The following ST8SIA6 variants were observed in gnomAD, a reference collection of about 807,000 sequenced individuals.
ST8SIA6 encodes the protein ST8 alpha-N-acetyl-neuraminide alpha-2,8-sialyltransferase 6, also known as alpha-2,8-sialyltransferase 8F.
ST8SIA6 carries 39 observed loss-of-function variants against 33.6 expected under a neutral mutation model. The observed-to-expected ratio is 1.16, with a 90% CI of 0.90 to 1.52. ST8SIA6 has a LOEUF of 1.52. Among genes scored for constraint, ST8SIA6 ranks in the 40% most tolerant of loss-of-function variants. The probability of loss-of-function intolerance (pLI) is 0.00; values close to 1 mark genes in which losing one functional copy is unlikely to be tolerated. For missense variants in ST8SIA6, 441 were observed against 443.8 expected, an observed-to-expected ratio of 0.99 and a Z score of 0.06; for synonymous variants, 172 against 167.2, an observed-to-expected ratio of 1.03 and a Z score of -0.22.
At chr10:17,381,796 T>C (rs902063934) in intron 3 of ST8SIA6, among the ~76,000 whole-genome samples, 3 of 152,246 alleles carry the variant, frequency 2.0e-5, no homozygotes, top group African/African-American at 7.2e-5. Flanking sequence ...TTAATGAAAA[T>C]AGCTGTATCT....
At chr10:17,425,652 G>A (rs894714881) in intron 2 of ST8SIA6, among the ~76,000 whole-genome samples, 2 of 149,022 alleles carry the variant, frequency 1.3e-5, no homozygotes, top group Admixed American at 6.7e-5. Context: ...AAAGGAGGGA[G>A]GGAGGGAGGA....
intron 3 of ST8SIA6, among the ~76,000 whole-genome samples, chr10:17,373,169 C>T (rs1849789479): frequency 6.6e-6 from 1 of 152,118 alleles, no homozygotes; most frequent in African/African-American, 2.4e-5. Flanking sequence ...CGGAGGACAG[C>T]CTTACAAACA....
chr10:17,340,147 G>A (rs1028773071), intron 4 of ST8SIA6, among the ~76,000 whole-genome samples: 3 of 152,192 alleles, frequency 2.0e-5, no homozygotes, highest in African/African-American at 4.8e-5. Flanking sequence ...GATATGTTCA[G>A]TTCTTTGTTC....
intron 3 of ST8SIA6, among the ~76,000 whole-genome samples, chr10:17,374,748 A>AAAATATATATATAT: frequency 7.0e-4 from 47 of 67,604 alleles, no homozygotes; most frequent in South Asian, 1.2e-3. Flanking sequence ...ATAAATAAAT[A>AAAATATATATATAT]ATAAATATAT....
intron 4 of ST8SIA6, among the ~76,000 whole-genome samples, chr10:17,351,775 T>A (rs1322272867): frequency 6.6e-6 from 1 of 152,050 alleles, no homozygotes; most frequent in Non-Finnish European, 1.5e-5. Context: ...TGGAGGACAT[T>A]ATGCTAAGTG....
chr10:17,384,048 T>C (rs897521953), intron 3 of ST8SIA6, among the ~76,000 whole-genome samples: 5 of 152,224 alleles, frequency 3.3e-5, no homozygotes, highest in African/African-American at 7.2e-5. Context: ...CAGGACACAA[T>C]TGGAGAAACT....
At chr10:17,393,498 T>G (rs1320917047) in intron 2 of ST8SIA6, among the ~76,000 whole-genome samples, 1 of 152,200 alleles carries the variant, frequency 6.6e-6, no homozygotes, top group Non-Finnish European at 1.5e-5. Flanking sequence ...TCCAAATGTT[T>G]GAACCAGAAT....
rs1554800344 is a variant in ST8SIA6, at chr10:17,419,009, A to AAG, written c.201-28390_201-28389insCT. ...GCTCCATCTCAAAAAAAAAAAAAAA[A>AAG]AAAAAAGAAAAATTTAGTCATGCTC... On this transcript the variant is annotated intron_variant, in intron 2 of 7. Coordinates refer to ENST00000377602, the MANE Select transcript of ST8SIA6 (RefSeq NM_001004470.3). Among the ~76,000 whole-genome samples, 5 of 151,506 alleles carry AAG rather than the reference A, an allele frequency of 3.3e-5. No homozygotes were observed. The East Asian group carries it at 5.8e-4, about 18-fold the overall frequency.
chr10:17,363,504 C>T (rs1335315273), intron 3 of ST8SIA6, among the ~76,000 whole-genome samples: 1 of 152,178 alleles, frequency 6.6e-6, no homozygotes, highest in Non-Finnish European at 1.5e-5. Context: ...TAAATCCCTC[C>T]TTTTGGCTGA....
chr10:17,356,496 G>A (rs111888183), intron 4 of ST8SIA6, among the ~76,000 whole-genome samples: 2,118 of 151,284 alleles, frequency 0.014, 52 homozygotes, highest in African/African-American at 0.047. Context: ...TGATTCTCCC[G>A]CCTCAGTGAT....
At chr10:17,395,607 G>C (rs1347566539) in intron 2 of ST8SIA6, among the ~76,000 whole-genome samples, 2 of 152,098 alleles carry the variant, frequency 1.3e-5, no homozygotes, top group African/African-American at 2.4e-5. Context: ...AACTTGCCAG[G>C]CATGGTGGCT....
At position 17,319,835 on chromosome 10, in the gene ST8SIA6, AG is replaced by A. The variant is rs1394626627; in HGVS notation, c.*1042del. On this transcript the variant is annotated 3_prime_UTR_variant, in exon 8 of 8. Transcript: ENST00000377602. ...ATCATCAATGGTTTCAGGCATCCAC[AG>A]GGGGTCTTCCCATATCTGCAGATTA... The A allele has an allele frequency of 6.6e-6, 1 of 152,312 alleles. No individual in the cohort carries two copies. The highest frequency in any genetic ancestry group is 2.4e-5 in the African/African-American group (1 of 41,580). 9.4% of individuals were successfully genotyped at this position (152,312 alleles called of 1,614,324 possible).
At chr10:17,335,862 C>T (rs371928423) in intron 4 of ST8SIA6, among the ~76,000 whole-genome samples, 1 of 152,116 alleles carries the variant, frequency 6.6e-6, no homozygotes, top group African/African-American at 2.4e-5. Flanking sequence ...AACAATTTCT[C>T]TAAGGATATT....
At chr10:17,374,748 A>ATATAT (rs1554792809) in intron 3 of ST8SIA6, among the ~76,000 whole-genome samples, 1 of 67,652 alleles carries the variant, frequency 1.5e-5, no homozygotes, top group African/African-American at 5.3e-5. Flanking sequence ...ATAAATAAAT[A>ATATAT]ATAAATATAT....
intron 2 of ST8SIA6, among the ~76,000 whole-genome samples, chr10:17,414,795 C>A (rs1242587837): frequency 6.6e-6 from 1 of 152,066 alleles, no homozygotes; most frequent in Non-Finnish European, 1.5e-5. Flanking sequence ...CCCTAAAGAC[C>A]TTATCTTCTA....
rs1003957575 is a variant in ST8SIA6, at chr10:17,316,399, C to T, written c.*4479G>A. Among the ~76,000 whole-genome samples the T allele has an allele frequency of 6.6e-6, 1 of 152,112 alleles. No homozygotes were observed. Among genetic ancestry groups the T allele is most frequent in the Non-Finnish European group, 1.5e-5 (1 of 67,960 alleles). ...GGATCCAGTCAAGTTAGTTCACTGACTTCCGAAGAGACAGATATCTGTGAG... is the reference window on the plus strand; with the variant it reads ...GGATCCAGTCAAGTTAGTTCACTGATTTCCGAAGAGACAGATATCTGTGAG... On this transcript the variant is annotated 3_prime_UTR_variant, in exon 8 of 8. Coordinates refer to ENST00000377602, the MANE Select transcript of ST8SIA6 (RefSeq NM_001004470.3).
intron 3 of ST8SIA6, among the ~76,000 whole-genome samples, chr10:17,375,049 G>T (rs1253864413): frequency 6.6e-6 from 1 of 151,692 alleles, no homozygotes; most frequent in Non-Finnish European, 1.5e-5. Flanking sequence ...CGATCCTCCA[G>T]CCTTAGCCTC....
At chr10:17,430,603 CA>C (rs901315578) in intron 2 of ST8SIA6, among the ~76,000 whole-genome samples, 85 of 152,252 alleles carry the variant, frequency 5.6e-4, no homozygotes, top group African/African-American at 2.0e-3. Context: ...GGTGGTATCT[CA>C]CTGTGGTTTT....
At chr10:17,425,837 C>A (rs915602379) in intron 2 of ST8SIA6, among the ~76,000 whole-genome samples, 2 of 151,592 alleles carry the variant, frequency 1.3e-5, no homozygotes, top group African/African-American at 2.4e-5. Context: ...GGTGGAGATA[C>A]GGTGGTATAA....
Sources: allele counts gnomAD v4.1 joint callset (sites outside exome capture counted in the v4.1 genomes callset), GRCh38; gene constraint gnomAD v4.1.1; transcripts MANE v1.5; gene names NCBI Gene and HGNC (gene_info 2026-07-23, HGNC 2026-07-21).